Variants in TMC5 observed in about 807,000 individuals in gnomAD.
TMC5 encodes transmembrane channel like 5, also known as transmembrane channel-like protein 5.
Under a neutral mutation model 110.5 loss-of-function variants are expected in TMC5, and 86 were observed. The observed-to-expected ratio is 0.78, with a 90% CI of 0.65 to 0.93. The LOEUF (loss-of-function observed/expected upper bound fraction) is 0.93, where lower values mean the gene tolerates loss of function less well. Among genes scored for constraint, TMC5 ranks in the 40% least tolerant of loss-of-function variants. The pLI is 0.00. For missense variants in TMC5, 1,144 were observed against 1,222.8 expected (o/e 0.94, Z 0.96); for synonymous variants, 455 against 439.5 (o/e 1.04, Z -0.44).
chr16:19,434,902 C>T (rs1194588245), intron 2 of TMC5, among the ~76,000 whole-genome samples: 1 of 152,050 alleles, frequency 6.6e-6, no homozygotes, highest in Non-Finnish European at 1.5e-5. Flanking sequence ...GTCCACACAG[C>T]CAGCAAACGG....
At chr16:19,448,664 ATTT>A (rs955454327) in intron 4 of TMC5, among the ~76,000 whole-genome samples, 1 of 135,066 alleles carries the variant, frequency 7.4e-6, no homozygotes, top group Non-Finnish European at 1.5e-5. Context: ...TTTATATTAT[ATTT>A]TATATTAAAA....
intron 3 of TMC5, among the ~76,000 whole-genome samples, chr16:19,442,894 G>C (rs985852639): frequency 6.6e-6 from 1 of 152,154 alleles, no homozygotes; most frequent in Non-Finnish European, 1.5e-5. Context: ...ATCACCCACT[G>C]CCTGATTCAT....
chr16:19,412,449 G>A (rs1329419475), intron 1 of TMC5, among the ~76,000 whole-genome samples: 2 of 150,952 alleles, frequency 1.3e-5, no homozygotes, highest in African/African-American at 2.4e-5. Context: ...CACTGCAACC[G>A]CTGTCTCCCA....
intron 2 of TMC5, among the ~76,000 whole-genome samples, chr16:19,438,882 C>T (rs1314630579): frequency 4.6e-5 from 7 of 152,166 alleles, no homozygotes; most frequent in Non-Finnish European, 7.3e-5. Context: ...ATGGGACAGC[C>T]TCCCCAGCCA....
intron 2 of TMC5, among the ~76,000 whole-genome samples, chr16:19,439,226 G>A (rs562743367): frequency 6.6e-6 from 1 of 152,282 alleles, no homozygotes; most frequent in South Asian, 2.1e-4. Flanking sequence ...TGTGGTCTGT[G>A]GATCAGAGCT....
In TMC5 at chr16:19,440,571, A is replaced by G. The variant is rs1967462623; in HGVS notation, c.533A>G (p.Asn178Ser). The change falls in exon 3 of 22, where the codon AAT (asparagine) becomes AGT (serine). Residue 178 changes from asparagine to serine, a missense_variant. Transcript: ENST00000542583. The stretch of plus-strand genomic sequence containing the variant: ...TCTGATCATCCTGGACCCAGAGCCA[A>G]TTTGAACCATCCAGGATCCAGAAAG... The part of the protein sequence containing the change: ...SNSDHPGPRA[N>S]LNHPGSRKNL... 4 of 1,614,074 alleles carry G rather than the reference A, an allele frequency of 2.5e-6. No homozygotes were observed. The highest frequency in any genetic ancestry group is 2.2e-5 in the South Asian group (2 of 91,090).
intron 1 of TMC5, among the ~76,000 whole-genome samples, chr16:19,419,416 T>TG (rs1428743005): frequency 7.6e-6 from 1 of 132,346 alleles, no homozygotes; most frequent in East Asian, 2.1e-4. Context: ...TTTTTTTTTT[T>TG]TTTTTTTTTT....
chr16:19,488,785 C>A (rs1392440795), intron 17 of TMC5, among the ~76,000 whole-genome samples: 1 of 152,114 alleles, frequency 6.6e-6, no homozygotes, highest in African/African-American at 2.4e-5. Flanking sequence ...CTGTGTGAGT[C>A]TTTAATTGTT....
At chr16:19,474,318 A>G (rs780532571) in intron 12 of TMC5, 42 bp downstream of exon 12, 1 of 1,595,568 alleles carries the variant, frequency 6.3e-7, no homozygotes, top group South Asian at 1.1e-5. Flanking sequence ...CTATTTCCAC[A>G]GAGAGAAGTG....
At chr16:19,465,862 C>G (rs1176054205) in intron 8 of TMC5, among the ~76,000 whole-genome samples, 4 of 152,158 alleles carry the variant, frequency 2.6e-5, no homozygotes, top group Non-Finnish European at 4.4e-5. Flanking sequence ...GTGGTAACAG[C>G]TCAATGTCTC....
In TMC5 at chr16:19,453,867, G is replaced by A. The variant is rs1036526487; in HGVS notation, c.1048+4236G>A. Reference sequence around the variant, plus strand: ...AGGAAGCACCTGCCACATAGTGTGCGTGCTTATATTCATTCATTTATGAAT... The same window carrying A: ...AGGAAGCACCTGCCACATAGTGTGCATGCTTATATTCATTCATTTATGAAT... On this transcript the variant is annotated intron_variant, in intron 5 of 21. Coordinates refer to ENST00000542583, the MANE Select transcript of TMC5 (RefSeq NM_001261841.2). Among the ~76,000 whole-genome samples the A allele has an allele frequency of 4.6e-5, 7 of 152,140 alleles. No individual in the cohort carries two copies. The South Asian group carries it at 1.0e-3, about 23-fold the overall frequency.
chr16:19,485,669 C>A (rs1046427268), intron 15 of TMC5, among the ~76,000 whole-genome samples: 3 of 152,192 alleles, frequency 2.0e-5, no homozygotes, highest in African/African-American at 7.2e-5. Context: ...TGAAAGAAAT[C>A]ACAAATAACT....
chr16:19,476,355 AAG>A (rs1001487806), intron 12 of TMC5, among the ~76,000 whole-genome samples: 1 of 152,022 alleles, frequency 6.6e-6, no homozygotes, highest in Non-Finnish European at 1.5e-5. Context: ...GGAAGAAAGA[AAG>A]AGAGAAAGAG....
At position 19,434,250 on chromosome 16, in the gene TMC5, A is replaced by AAT. The variant is rs1291940965; in HGVS notation, c.-80+3619_-80+3620dup. ...ATATATATAATATATATCTATCTAAAATATATATATCTATAATATATATAG... is the reference window on the plus strand; with the variant it reads ...ATATATATAATATATATCTATCTAAAATATATATATATCTATAATATATATAG... On this transcript the variant is annotated intron_variant, in intron 2 of 21. Coordinates refer to ENST00000542583, the MANE Select transcript of TMC5 (RefSeq NM_001261841.2). Among the ~76,000 whole-genome samples the AAT allele has an allele frequency of 8.0e-5, 4 of 50,090 alleles. No homozygotes were observed. In the East Asian group the frequency reaches 3.9e-3, roughly 49 times the overall value. 32.9% of individuals were successfully genotyped at this position (50,090 alleles called of 152,430 possible).
chr16:19,494,806 C>CA (rs201071346), intron 20 of TMC5, among the ~76,000 whole-genome samples: 1 of 151,102 alleles, frequency 6.6e-6, no homozygotes, highest in East Asian at 1.9e-4. Flanking sequence ...CACTCTGTCT[C>CA]AAAAAAAAGT....
intron 8 of TMC5, 44 bp from the exon 9 acceptor site, chr16:19,466,038 T>C: frequency 6.2e-7 from 1 of 1,606,242 alleles, no homozygotes; most frequent in Non-Finnish European, 8.5e-7. Context: ...TTTACCTTTT[T>C]TTTCAGGAGA....
At chr16:19,427,247 A>C (rs1273332672) in intron 1 of TMC5, among the ~76,000 whole-genome samples, 1 of 152,202 alleles carries the variant, frequency 6.6e-6, no homozygotes, top group East Asian at 1.9e-4. Flanking sequence ...TGAGGCCAAG[A>C]GTTCAAGACC....
intron 19 of TMC5, among the ~76,000 whole-genome samples, chr16:19,493,205 C>A (rs1968959631): frequency 6.6e-6 from 1 of 151,374 alleles, no homozygotes; most frequent in African/African-American, 2.4e-5. Flanking sequence ...AGGTGATCCG[C>A]CCGCCTCGGC....
At chr16:19,461,783 G>A (rs369844654) in intron 6 of TMC5, among the ~76,000 whole-genome samples, 15 of 152,140 alleles carry the variant, frequency 9.9e-5, no homozygotes, top group African/African-American at 3.6e-4. Flanking sequence ...ACTAGTAAGT[G>A]ATTCATGGAT....
Sources: gnomAD v4.1 joint callset for allele counts (sites outside exome capture counted in the v4.1 genomes callset) on GRCh38, gnomAD v4.1.1 for gene constraint, MANE v1.5 for transcripts, NCBI Gene and HGNC (gene_info 2026-07-23, HGNC 2026-07-21) for gene names.